Variants in PCDH7 observed in about 807,000 individuals in gnomAD.
The protein encoded by PCDH7 is protocadherin 7.
PCDH7 carries 17 observed loss-of-function variants against 58.9 expected under a neutral mutation model. The observed-to-expected ratio is 0.29, with a 90% CI of 0.20 to 0.43. PCDH7 has a LOEUF of 0.43. Ranked by LOEUF, PCDH7 falls within the 20% of genes least tolerant of loss-of-function variation. The probability of loss-of-function intolerance (pLI) is 1.00; values close to 1 mark genes in which losing one functional copy is unlikely to be tolerated. For synonymous variants in PCDH7, 664 were observed against 616.4 expected, an observed-to-expected ratio of 1.08 and a Z score of -1.14; for missense variants, 1,274 against 1,441.0, an observed-to-expected ratio of 0.88 and a Z score of 1.88.
rs76841177 is a variant in PCDH7, at chr4:31,124,628, A to C, written c.*8-17845A>C. Among the ~76,000 whole-genome samples the C allele has an allele frequency of 8.3e-3, 1,264 of 152,252 alleles. 16 individuals carry two copies. Among genetic ancestry groups the C allele is most frequent in the African/African-American group, 0.029 (1,208 of 41,544 alleles). On this transcript the variant is annotated intron_variant, in intron 3 of 3. Coordinates refer to the PCDH7 transcript ENST00000509759. ...TTCCTACAGATTATTTATTAGATTT[A>C]TGGATTGTGACCGTACAACCAAAAT...
intron 1 of PCDH7, among the ~76,000 whole-genome samples, chr4:30,762,373 C>G (rs1720138760): frequency 6.6e-6 from 1 of 151,976 alleles, no homozygotes; most frequent in African/African-American, 2.4e-5. Flanking sequence ...CTAAACTGAT[C>G]CAATATGCAA....
downstream of PCDH7, among the ~76,000 whole-genome samples, chr4:30,734,005 A>G (rs1715888590): frequency 6.6e-6 from 1 of 152,144 alleles, no homozygotes; most frequent in South Asian, 2.1e-4. Context: ...TGTGATTAAA[A>G]AACAAAACCC....
intron 3 of PCDH7, among the ~76,000 whole-genome samples, chr4:31,050,391 G>A (rs2109219443): frequency 6.6e-6 from 1 of 152,146 alleles, no homozygotes; most frequent in East Asian, 1.9e-4. Flanking sequence ...AATTTTACAT[G>A]ACACAATAAT....
chr4:30,724,677 T>A, intron 1 of PCDH7, 81 bp downstream of exon 1: 1 of 1,492,084 alleles, frequency 6.7e-7, no homozygotes, highest in East Asian at 2.4e-5. Flanking sequence ...TAAAGTTTTG[T>A]CTTCTCGTTT....
intron 1 of PCDH7, among the ~76,000 whole-genome samples, chr4:30,754,964 A>G (rs1025573907): frequency 6.6e-6 from 1 of 152,152 alleles, no homozygotes; most frequent in Non-Finnish European, 1.5e-5. Flanking sequence ...TGATTATGCC[A>G]TTTCATCCTT....
intron 3 of PCDH7, among the ~76,000 whole-genome samples, chr4:31,036,085 T>C (rs1755387580): frequency 6.6e-6 from 1 of 152,244 alleles, no homozygotes; most frequent in African/African-American, 2.4e-5. Flanking sequence ...AAATGTGTTT[T>C]ACACAAAATG....
intron 1 of PCDH7, among the ~76,000 whole-genome samples, chr4:30,837,899 T>A (rs942269557): frequency 2.1e-4 from 30 of 146,146 alleles, no homozygotes; most frequent in Non-Finnish European, 3.9e-4. Context: ...TATGTATATT[T>A]TATATATATA....
chr4:30,944,143 A>G (rs1746395547), intron 2 of PCDH7, among the ~76,000 whole-genome samples: 1 of 152,072 alleles, frequency 6.6e-6, no homozygotes, highest in Admixed American at 6.6e-5. Context: ...TCTCATTCTC[A>G]TAAGTGCACA....
chr4:31,113,170 T>C (rs1716541702), intron 3 of PCDH7, among the ~76,000 whole-genome samples: 1 of 152,204 alleles, frequency 6.6e-6, no homozygotes, highest in African/African-American at 2.4e-5. Flanking sequence ...ATCAAAATTT[T>C]GTTCAAATGA....
At chr4:30,894,615 A>G (rs1475816462) in intron 1 of PCDH7, among the ~76,000 whole-genome samples, 3 of 134,718 alleles carry the variant, frequency 2.2e-5, no homozygotes, top group African/African-American at 5.7e-5. Flanking sequence ...ATATATATAT[A>G]TGTTTTGAGT....
intron 1 of PCDH7, among the ~76,000 whole-genome samples, chr4:30,787,714 A>T (rs1723597033): frequency 6.6e-6 from 1 of 152,084 alleles, no homozygotes; most frequent in Non-Finnish European, 1.5e-5. Flanking sequence ...TTACTTGCTC[A>T]ATTGAAGATA....
chr4:31,128,176 T>A (rs16867990), intron 3 of PCDH7, among the ~76,000 whole-genome samples: 1 of 151,396 alleles, frequency 6.6e-6, no homozygotes, highest in African/African-American at 2.4e-5. Context: ...GACACACATA[T>A]AAAAGTCTGA....
intron 1 of PCDH7, among the ~76,000 whole-genome samples, chr4:30,740,062 G>A (rs565091253): frequency 1.3e-5 from 2 of 152,180 alleles, no homozygotes; most frequent in East Asian, 1.9e-4. Flanking sequence ...TTTAGTTTTC[G>A]AAGCAATGTG....
At chr4:31,004,643 G>C (rs952929587) in intron 3 of PCDH7, among the ~76,000 whole-genome samples, 2 of 151,948 alleles carry the variant, frequency 1.3e-5, no homozygotes, top group Non-Finnish European at 2.9e-5. Flanking sequence ...CCGAGATCCC[G>C]ACACTGCACT....
chr4:30,784,191 G>A (rs1415542071), intron 1 of PCDH7, among the ~76,000 whole-genome samples: 2 of 152,160 alleles, frequency 1.3e-5, no homozygotes, highest in Non-Finnish European at 2.9e-5. Flanking sequence ...GTAACATCCA[G>A]TTCTACTCTG....
intron 3 of PCDH7, among the ~76,000 whole-genome samples, chr4:30,982,731 C>G (rs1015767587): frequency 6.6e-6 from 1 of 151,780 alleles, no homozygotes; most frequent in African/African-American, 2.4e-5. Context: ...CTTTACTGAC[C>G]TCACCACATT....
chr4:31,005,588 A>G (rs1752703935), intron 3 of PCDH7, among the ~76,000 whole-genome samples: 2 of 152,228 alleles, frequency 1.3e-5, no homozygotes, highest in South Asian at 4.1e-4. Context: ...TACGATTTCA[A>G]AACCATATAA....
At chr4:31,096,109 A>G (rs573917247) in intron 3 of PCDH7, among the ~76,000 whole-genome samples, 26 of 152,284 alleles carry the variant, frequency 1.7e-4, no homozygotes, top group African/African-American at 6.0e-4. Flanking sequence ...TCATCATGCA[A>G]CACAGGCATA....
chr4:30,824,685 AG>A (rs2109324934), intron 1 of PCDH7, among the ~76,000 whole-genome samples: 1 of 152,226 alleles, frequency 6.6e-6, no homozygotes, highest in East Asian at 1.9e-4. Flanking sequence ...GCAACATGAA[AG>A]GGATTTTGGA....
Sources: allele counts gnomAD v4.1 joint callset (sites outside exome capture counted in the v4.1 genomes callset), GRCh38; gene constraint gnomAD v4.1.1; transcripts MANE v1.5; gene names NCBI Gene and HGNC (gene_info 2026-07-23, HGNC 2026-07-21).